RALYL: variants seen among roughly 807,000 people sequenced by gnomAD.
RALYL encodes the protein RALY RNA binding protein like, also known as RNA-binding Raly-like protein.
RALYL carries 29 observed loss-of-function variants against 35.1 expected under a neutral mutation model. The ratio of observed to expected loss-of-function variants is 0.83; its 90% CI spans 0.61 to 1.13. The LOEUF is 1.13. Among genes scored for constraint, RALYL ranks in the 50% most tolerant of loss-of-function variants. RALYL has a pLI of 0.00. For synonymous variants in RALYL, 120 were observed against 127.6 expected, an observed-to-expected ratio of 0.94 and a Z score of 0.40; for missense variants, 359 against 360.4, an observed-to-expected ratio of 1.00 and a Z score of 0.03.
chr8:84,693,892 A>G (rs766823836), intron 2 of RALYL, among the ~76,000 whole-genome samples: 2 of 151,934 alleles, frequency 1.3e-5, no homozygotes, highest in Non-Finnish European at 2.9e-5. Flanking sequence ...ATGAAGAAAA[A>G]TACATTTCAC....
At chr8:84,604,695 T>C (rs1816729154) in intron 2 of RALYL, among the ~76,000 whole-genome samples, 1 of 152,158 alleles carries the variant, frequency 6.6e-6, no homozygotes, top group African/African-American at 2.4e-5. Flanking sequence ...CATCTATTCT[T>C]ATTCCCTCCC....
intron 8 of RALYL, among the ~76,000 whole-genome samples, chr8:84,907,788 A>G (rs1335241123): frequency 6.6e-6 from 1 of 152,106 alleles, no homozygotes; most frequent in Admixed American, 6.6e-5. Flanking sequence ...AGTTCACTCT[A>G]ATAAATGAAA....
intron 8 of RALYL, among the ~76,000 whole-genome samples, chr8:84,888,525 G>A (rs377510197): frequency 1.3e-5 from 2 of 152,038 alleles, no homozygotes; most frequent in East Asian, 1.9e-4. Flanking sequence ...TATATATGTC[G>A]CCAACTTCCA....
intron 4 of RALYL, among the ~76,000 whole-genome samples, chr8:84,811,831 G>A (rs1228391049): frequency 1.3e-5 from 2 of 152,068 alleles, no homozygotes; most frequent in Non-Finnish European, 2.9e-5. Context: ...AGAGCATTTT[G>A]CATTTCTGTG....
At chr8:84,239,097 G>C (rs1827273667) in intron 1 of RALYL, among the ~76,000 whole-genome samples, 1 of 152,126 alleles carries the variant, frequency 6.6e-6, no homozygotes, top group Non-Finnish European at 1.5e-5. Context: ...AAAATGGCTT[G>C]AGGCTACATA....
chr8:84,754,090 G>C (rs1268811946), intron 2 of RALYL, among the ~76,000 whole-genome samples: 1 of 151,908 alleles, frequency 6.6e-6, no homozygotes, highest in Non-Finnish European at 1.5e-5. Flanking sequence ...TTTGTAGGTT[G>C]CCTGTTCACT....
intron 1 of RALYL, among the ~76,000 whole-genome samples, chr8:84,279,998 A>T (rs970398069): frequency 9.9e-5 from 15 of 152,236 alleles, no homozygotes; most frequent in Non-Finnish European, 1.5e-4. Flanking sequence ...TATAGATAAC[A>T]GAATAATCTT....
chr8:84,538,160 TATG>T (rs2059753402), intron 2 of RALYL, among the ~76,000 whole-genome samples: 1 of 152,226 alleles, frequency 6.6e-6, no homozygotes, highest in Non-Finnish European at 1.5e-5. Context: ...TGGCCCCACA[TATG>T]ATAGAAAGCC....
chr8:84,796,908 CT>C (rs1170711638), intron 3 of RALYL, among the ~76,000 whole-genome samples: 1 of 152,132 alleles, frequency 6.6e-6, no homozygotes, highest in Non-Finnish European at 1.5e-5. Context: ...TTATTGTGTT[CT>C]TTATCTTTTC....
intron 2 of RALYL, among the ~76,000 whole-genome samples, chr8:84,627,582 T>C (rs1823015336): frequency 6.6e-6 from 1 of 151,268 alleles, no homozygotes; most frequent in African/African-American, 2.4e-5. Flanking sequence ...TCTCCTAGAT[T>C]TCTTCGTGCA....
At chr8:84,549,176 A>G (rs559963314) in intron 2 of RALYL, among the ~76,000 whole-genome samples, 36 of 152,158 alleles carry the variant, frequency 2.4e-4, no homozygotes, top group Non-Finnish European at 3.8e-4. Flanking sequence ...GTGCTTACTC[A>G]TCTTTGAGGG....
chr8:84,417,321 C>T (rs956447341), intron 1 of RALYL, among the ~76,000 whole-genome samples: 1 of 151,994 alleles, frequency 6.6e-6, no homozygotes, highest in Non-Finnish European at 1.5e-5. Flanking sequence ...ACAAGAATCT[C>T]TTGGGCAAGG....
chr8:84,297,128 G>T (rs1364629321), intron 1 of RALYL, among the ~76,000 whole-genome samples: 1 of 151,874 alleles, frequency 6.6e-6, no homozygotes, highest in African/African-American at 2.4e-5. Flanking sequence ...CAGGAGTATG[G>T]TTTACAGACT....
intron 2 of RALYL, among the ~76,000 whole-genome samples, chr8:84,614,649 A>G (rs1262956090): frequency 6.6e-6 from 1 of 151,566 alleles, no homozygotes; most frequent in Non-Finnish European, 1.5e-5. Flanking sequence ...TTTAATGGCA[A>G]AAACCACAAT....
chr8:84,407,067 CAA>C (rs1331241494), intron 1 of RALYL, among the ~76,000 whole-genome samples: 63 of 147,026 alleles, frequency 4.3e-4, no homozygotes, highest in African/African-American at 1.6e-3. Context: ...CACACACACA[CAA>C]ACACACACAC....
chr8:84,756,590 G>C (rs528716073), intron 2 of RALYL, among the ~76,000 whole-genome samples: 1 of 152,004 alleles, frequency 6.6e-6, no homozygotes, highest in East Asian at 1.9e-4. Context: ...CCCAACAGCC[G>C]GGCTGTTAAC....
chr8:84,680,023 C>T (rs1334485867), intron 2 of RALYL, among the ~76,000 whole-genome samples: 1 of 151,882 alleles, frequency 6.6e-6, no homozygotes, highest in Non-Finnish European at 1.5e-5. Flanking sequence ...CACGACAGGC[C>T]CCGGTGTGTG....
intron 1 of RALYL, among the ~76,000 whole-genome samples, chr8:84,462,974 A>C (rs1041790716): frequency 7.9e-5 from 12 of 151,920 alleles, no homozygotes; most frequent in Non-Finnish European, 8.8e-5. Context: ...ACCCATTTTT[A>C]AACAGATATT....
chr8:84,467,052 G>T (rs1280583013), intron 1 of RALYL, among the ~76,000 whole-genome samples: 1 of 151,954 alleles, frequency 6.6e-6, no homozygotes, highest in East Asian at 1.9e-4. Flanking sequence ...TGTTAGTCTT[G>T]CTAGCGGTCT....
Sources: allele counts gnomAD v4.1 joint callset (sites outside exome capture counted in the v4.1 genomes callset), GRCh38; gene constraint gnomAD v4.1.1; transcripts MANE v1.5; gene names NCBI Gene and HGNC (gene_info 2026-07-23, HGNC 2026-07-21).